PDE1A: variants seen among roughly 807,000 people sequenced by gnomAD.
PDE1A encodes the protein dual specificity calcium/calmodulin-dependent 3',5'-cyclic nucleotide phosphodiesterase 1A.
Under a neutral mutation model 61.7 loss-of-function variants are expected in PDE1A, and 35 were observed. That is an observed-to-expected ratio of 0.57 (90% confidence interval 0.43 to 0.75). PDE1A has a LOEUF of 0.75. Among genes scored for constraint, PDE1A ranks in the 30% least tolerant of loss-of-function variants. The probability of loss-of-function intolerance (pLI) is 0.00; values close to 1 mark genes in which losing one functional copy is unlikely to be tolerated. For missense variants in PDE1A, 597 were observed against 630.6 expected, an observed-to-expected ratio of 0.95 and a Z score of 0.57; for synonymous variants, 232 against 213.2, an observed-to-expected ratio of 1.09 and a Z score of -0.77.
intron 2 of PDE1A, among the ~76,000 whole-genome samples, chr2:182,255,656 T>G (rs1691723574): frequency 6.9e-6 from 1 of 145,218 alleles, no homozygotes; most frequent in Admixed American, 6.7e-5. Flanking sequence ...CTTTCTTTCT[T>G]TTCTTTTTTT....
intron 1 of PDE1A, among the ~76,000 whole-genome samples, chr2:182,272,464 G>C (rs1462088327): frequency 1.3e-5 from 2 of 152,204 alleles, no homozygotes; most frequent in African/African-American, 2.4e-5. Flanking sequence ...AATCTAGTTT[G>C]AGGAAAGAAT....
chr2:182,250,864 G>C (rs1423705492), intron 2 of PDE1A, among the ~76,000 whole-genome samples: 1 of 152,166 alleles, frequency 6.6e-6, no homozygotes, highest in Non-Finnish European at 1.5e-5. Context: ...CAAAGGTGGA[G>C]GCAGTGGAGG....
At chr2:182,292,318 T>C (rs937211461) in intron 1 of PDE1A, among the ~76,000 whole-genome samples, 21 of 152,154 alleles carry the variant, frequency 1.4e-4, no homozygotes, top group African/African-American at 5.1e-4. Flanking sequence ...ATTAAGCTTC[T>C]GAGAACCCAG....
chr2:182,619,066 G>A, the PDE1A span, among the ~76,000 whole-genome samples: 137 of 151,396 alleles, frequency 9.0e-4, no homozygotes, highest in African/African-American at 3.1e-3. Flanking sequence ...GGTGAGCGGG[G>A]GCAGGGTTGG....
chr2:182,234,135 AT>A (rs1689811446), intron 4 of PDE1A, among the ~76,000 whole-genome samples: 1 of 152,186 alleles, frequency 6.6e-6, no homozygotes, highest in South Asian at 2.1e-4. Context: ...TACTAGTGCC[AT>A]TTCAAAATGA....
At chr2:182,178,809 C>A (rs3820963) in intron 13 of PDE1A, among the ~76,000 whole-genome samples, 31,051 of 151,844 alleles carry the variant, frequency 0.2, 3,399 homozygotes, top group East Asian at 0.33. Flanking sequence ...GAAAAGAGAG[C>A]AAGCAAGCTG....
At chr2:182,555,851 C>T in the PDE1A span, among the ~76,000 whole-genome samples, 3 of 151,292 alleles carry the variant, frequency 2.0e-5, no homozygotes, top group Non-Finnish European at 2.9e-5. Flanking sequence ...CCTGCAATCC[C>T]GGCTACTCAG....
At chr2:182,536,237 G>A in the PDE1A span, among the ~76,000 whole-genome samples, 1 of 152,198 alleles carries the variant, frequency 6.6e-6, no homozygotes, top group Non-Finnish European at 1.5e-5. Context: ...TATACAGGAA[G>A]CATGTACTTT....
the PDE1A span, among the ~76,000 whole-genome samples, chr2:182,632,470 CT>C: frequency 4.7e-5 from 7 of 149,428 alleles, no homozygotes; most frequent in Non-Finnish European, 8.9e-5. Context: ...TTTTTTTTTT[CT>C]TTGTAAGTAT....
intron 3 of PDE1A, among the ~76,000 whole-genome samples, chr2:182,238,070 C>G (rs921677994): frequency 6.6e-6 from 1 of 151,646 alleles, no homozygotes; most frequent in African/African-American, 2.4e-5. Context: ...AGATCAAGAC[C>G]ATTCTGGCTA....
intron 1 of PDE1A, among the ~76,000 whole-genome samples, chr2:182,277,430 T>C (rs1056401914): frequency 2.0e-5 from 3 of 152,120 alleles, no homozygotes. Context: ...ATCATCCATT[T>C]GAATTTTTGA....
the PDE1A span, among the ~76,000 whole-genome samples, chr2:182,633,429 C>T: frequency 1.3e-5 from 2 of 152,166 alleles, no homozygotes; most frequent in Non-Finnish European, 2.9e-5. Flanking sequence ...TACACTTAGC[C>T]TGAAAACTCA....
At chr2:182,607,827 G>C in the PDE1A span, among the ~76,000 whole-genome samples, 2 of 152,192 alleles carry the variant, frequency 1.3e-5, no homozygotes, top group African/African-American at 2.4e-5. Context: ...CCTGTGGAAG[G>C]GGGAGGAACT....
chr2:182,649,599 A>G, the PDE1A span, among the ~76,000 whole-genome samples: 1 of 131,112 alleles, frequency 7.6e-6, no homozygotes, highest in Non-Finnish European at 1.6e-5. Flanking sequence ...CCAAGACCCC[A>G]CTCTATACAA....
chr2:182,454,958 A>C (rs1685801742), intron 2 of PDE1A, among the ~76,000 whole-genome samples: 1 of 151,514 alleles, frequency 6.6e-6, no homozygotes, highest in Non-Finnish European at 1.5e-5. Flanking sequence ...CTACCATCAG[A>C]GTAAACAGGC....
At chr2:182,554,787 T>C in the PDE1A span, among the ~76,000 whole-genome samples, 2 of 152,208 alleles carry the variant, frequency 1.3e-5, no homozygotes, top group Admixed American at 6.5e-5. Flanking sequence ...GCTGGACAGC[T>C]ACCTTAGAAA....
chr2:182,636,891 G>A, the PDE1A span, among the ~76,000 whole-genome samples: 1 of 152,156 alleles, frequency 6.6e-6, no homozygotes, highest in African/African-American at 2.4e-5. Flanking sequence ...GCAGGGGGCT[G>A]GTCTTTGCTC....
At chr2:182,216,009 A>C (rs1170082605) in intron 7 of PDE1A, among the ~76,000 whole-genome samples, 1 of 86,924 alleles carries the variant, frequency 1.2e-5, no homozygotes, top group Non-Finnish European at 2.3e-5. Context: ...TTGATGCAAA[A>C]ATCCTCAATA....
the PDE1A span, among the ~76,000 whole-genome samples, chr2:182,684,700 G>A: frequency 9.9e-5 from 15 of 152,100 alleles, no homozygotes; most frequent in East Asian, 3.8e-4. Flanking sequence ...ACAGGCATGC[G>A]CCACCACACC....
Sources: gnomAD v4.1 joint callset for allele counts (sites outside exome capture counted in the v4.1 genomes callset) on GRCh38, gnomAD v4.1.1 for gene constraint, MANE v1.5 for transcripts, NCBI Gene and HGNC (gene_info 2026-07-23, HGNC 2026-07-21) for gene names.